The following XKR6 variants were observed in gnomAD, a reference collection of about 807,000 sequenced individuals.
XKR6 encodes the protein XK-related protein 6.
XKR6 carries 22 observed loss-of-function variants against 56.7 expected under a neutral mutation model. The ratio of observed to expected loss-of-function variants is 0.39; its 90% CI spans 0.28 to 0.55. XKR6 has a LOEUF of 0.55. Ranked by LOEUF, XKR6 falls within the 20% of genes least tolerant of loss-of-function variation. XKR6 has a pLI of 0.66. For synonymous variants in XKR6, 524 were observed against 387.8 expected (o/e 1.35, Z -4.13); for missense variants, 852 against 889.0 (o/e 0.96, Z 0.53).
intron 1 of XKR6, chr8:11,105,088 T>A (rs913167970): frequency 6.6e-6 from 1 of 152,308 alleles, no homozygotes; most frequent in East Asian, 1.9e-4. Flanking sequence ...CCCTGGTTAA[T>A]GTCCTGTGAG....
chr8:10,953,875 T>A (rs1801801145), intron 1 of XKR6, among the ~76,000 whole-genome samples: 1 of 152,228 alleles, frequency 6.6e-6, no homozygotes, highest in Non-Finnish European at 1.5e-5. Flanking sequence ...TCTCTATGGA[T>A]TAGCCTATTC....
intron 1 of XKR6, among the ~76,000 whole-genome samples, chr8:11,050,586 A>AG (rs1554446591): frequency 2.6e-4 from 34 of 130,154 alleles, no homozygotes; most frequent in South Asian, 1.7e-3. Context: ...AAAAAAAAAA[A>AG]AGAGAGAGAG....
At chr8:11,104,747 T>C (rs1177549031) in intron 1 of XKR6, 1 of 152,254 alleles carries the variant, frequency 6.6e-6, no homozygotes, top group Non-Finnish European at 1.5e-5. Flanking sequence ...GTGGCTATTT[T>C]ACAGGTTGAA....
rs540547770 is a variant in XKR6 at position 10,978,097 on chromosome 8, T to C, written c.765-53267A>G. Among the ~76,000 whole-genome samples, 3 of 152,272 alleles carry C rather than the reference T, an allele frequency of 2.0e-5. No individual in the cohort carries two copies. In the South Asian group the frequency reaches 6.2e-4, roughly 32 times the overall value. On this transcript the variant is annotated intron_variant, in intron 1 of 2. Coordinates refer to ENST00000416569, the MANE Select transcript of XKR6 (RefSeq NM_173683.4). ...GGAAATGGAAAGCAACTGGCCTCTA[T>C]TTCCCATGCACCCACTGAGGTCCTA...
intron 1 of XKR6, among the ~76,000 whole-genome samples, chr8:11,029,561 C>G (rs1010879349): frequency 6.6e-6 from 1 of 152,158 alleles, no homozygotes; most frequent in African/African-American, 2.4e-5. Flanking sequence ...ACCAAGAACT[C>G]GGGCATGGTT....
At chr8:10,987,862 T>C (rs1358592725) in intron 1 of XKR6, among the ~76,000 whole-genome samples, 22 of 152,176 alleles carry the variant, frequency 1.4e-4, no homozygotes, top group Admixed American at 1.4e-3. Flanking sequence ...CTGCCATGGC[T>C]CTTAGCAGAA....
At chr8:10,956,009 G>C (rs936716560) in intron 1 of XKR6, among the ~76,000 whole-genome samples, 3 of 152,184 alleles carry the variant, frequency 2.0e-5, no homozygotes, top group African/African-American at 7.2e-5. Context: ...GAGAAGAATG[G>C]GCAGGAACCC....
chr8:11,124,335 T>C lies in XKR6; in HGVS notation c.764+76241A>G, dbSNP rs187171535. ...TCTACTGGACTCTTGAGATCATCAA[T>C]AACCCACTCAGCGGTGGGGCCAACT... On this transcript the variant is annotated intron_variant, in intron 1 of 2. Coordinates refer to ENST00000416569, the MANE Select transcript of XKR6 (RefSeq NM_173683.4). The C allele has an allele frequency of 4.3e-5, 13 of 305,414 alleles. No individual in the cohort carries two copies. The Admixed American group carries it at 5.3e-4, about 12-fold the overall frequency. 18.9% of individuals were successfully genotyped at this position (305,414 alleles called of 1,614,324 possible). A position where few individuals can be genotyped will look rare whatever the true frequency, so the allele number is the denominator to read the frequency against.
intron 1 of XKR6, among the ~76,000 whole-genome samples, chr8:11,131,326 G>T (rs1192770768): frequency 6.6e-6 from 1 of 152,076 alleles, no homozygotes; most frequent in East Asian, 1.9e-4. Context: ...ATGTGGAACT[G>T]TGTGTGAATT....
chr8:10,900,164 G>A (rs546697845), intron 2 of XKR6, among the ~76,000 whole-genome samples: 11 of 152,158 alleles, frequency 7.2e-5, no homozygotes, highest in Admixed American at 1.3e-4. Flanking sequence ...ACCCTCCCAC[G>A]GAGCACAATT....
chr8:11,140,850 A>G (rs181857003), intron 1 of XKR6, among the ~76,000 whole-genome samples: 1 of 147,034 alleles, frequency 6.8e-6, no homozygotes, highest in Non-Finnish European at 1.5e-5. Context: ...GTGAGCCGAG[A>G]TCGCACTACT....
intron 1 of XKR6, among the ~76,000 whole-genome samples, chr8:10,961,277 G>A (rs540343628): frequency 6.6e-5 from 10 of 152,192 alleles, no homozygotes; most frequent in African/African-American, 1.4e-4. Flanking sequence ...CCCACCAGCC[G>A]GGACGCTGGA....
intron 1 of XKR6, among the ~76,000 whole-genome samples, chr8:10,975,196 T>A (rs1195995771): frequency 6.6e-6 from 1 of 152,154 alleles, no homozygotes; most frequent in Non-Finnish European, 1.5e-5. Flanking sequence ...TGAGAGGAAC[T>A]AGCACCCTCC....
At chr8:10,955,449 A>G (rs1801855834) in intron 1 of XKR6, among the ~76,000 whole-genome samples, 1 of 152,168 alleles carries the variant, frequency 6.6e-6, no homozygotes, top group Non-Finnish European at 1.5e-5. Flanking sequence ...CCAAAGTGCT[A>G]GAATTGCAGG....
chr8:11,131,403 G>T (rs564463200), intron 1 of XKR6, among the ~76,000 whole-genome samples: 21 of 152,040 alleles, frequency 1.4e-4, no homozygotes, highest in African/African-American at 4.8e-4. Flanking sequence ...AAGGCATGAT[G>T]AAATCATTTT....
intron 1 of XKR6, among the ~76,000 whole-genome samples, chr8:10,961,394 A>T (rs1326023115): frequency 2.6e-5 from 4 of 152,200 alleles, no homozygotes; most frequent in African/African-American, 9.6e-5. Flanking sequence ...AACGCTGCAG[A>T]ATGCCTTTTG....
At chr8:11,063,124 A>G in intron 1 of XKR6, 2 of 247,388 alleles carry the variant, frequency 8.1e-6, no homozygotes, top group South Asian at 9.0e-5. Flanking sequence ...CTGCCATAGA[A>G]GACCAAAGCA....
intron 1 of XKR6, among the ~76,000 whole-genome samples, chr8:11,095,023 G>A (rs1226034736): frequency 6.6e-6 from 1 of 152,164 alleles, no homozygotes; most frequent in Non-Finnish European, 1.5e-5. Context: ...TCCTGCACAT[G>A]TACCTCTGAA....
At chr8:11,093,804 G>C (rs539971227) in intron 1 of XKR6, among the ~76,000 whole-genome samples, 1 of 151,978 alleles carries the variant, frequency 6.6e-6, no homozygotes, top group East Asian at 1.9e-4. Context: ...GTTTTTTTGA[G>C]ATGGAGTCTC....
Sources: gnomAD v4.1 joint callset for allele counts (sites outside exome capture counted in the v4.1 genomes callset) on GRCh38, gnomAD v4.1.1 for gene constraint, MANE v1.5 for transcripts, NCBI Gene and HGNC (gene_info 2026-07-23, HGNC 2026-07-21) for gene names.